Variants in KCNQ2 observed in about 807,000 individuals in gnomAD.
KCNQ2 encodes the protein potassium voltage-gated channel subfamily Q member 2.
KCNQ2 carries 14 observed loss-of-function variants against 84.8 expected under a neutral mutation model. The observed-to-expected ratio is 0.17, with a 90% confidence interval of 0.11 to 0.26. The LOEUF is 0.26. Among genes scored for constraint, KCNQ2 ranks in the 10% least tolerant of loss-of-function variants. KCNQ2 has a pLI of 1.00. For missense variants in KCNQ2, 788 were observed against 1,254.0 expected, an observed-to-expected ratio of 0.63 and a Z score of 5.61; for synonymous variants, 599 against 554.1, an observed-to-expected ratio of 1.08 and a Z score of -1.14.
chr20:63,407,223 G>A lies in KCNQ2; in HGVS notation c.2040C>T (p.Val680=), dbSNP rs368050380. Residue 680 remains valine, a synonymous_variant, in exon 17 of 17, where the codon GTC becomes GTT. Coordinates refer to ENST00000359125, the MANE Select transcript of KCNQ2 (RefSeq NM_172107.4). The surrounding 1 kb of genome is among the most constrained non-coding windows in gnomAD (Gnocchi z 7.2). ...TCTTGACAATGCAGCCGTGCCTGTCGACATGCTCCCGGCTGTCTTCCGGGC... is the reference window on the plus strand; with the variant it reads ...TCTTGACAATGCAGCCGTGCCTGTCAACATGCTCCCGGCTGTCTTCCGGGC... ...YHSPEDSREH[V]DRHGCIVKIV... is the part of the protein sequence containing the mutation. 60 of 1,604,156 alleles carry A rather than the reference G, an allele frequency of 3.7e-5. No homozygotes were observed. The highest frequency in any genetic ancestry group is 2.3e-4 in the African/African-American group (17 of 74,952).
At chr20:63,422,818 A>C (rs533759728) in intron 11 of KCNQ2, 2 of 152,320 alleles carry the variant, frequency 1.3e-5, no homozygotes, top group Admixed American at 6.5e-5. Flanking sequence ...GGCAGCGAGC[A>C]CGAGGGGCCG....
intron 9 of KCNQ2, among the ~76,000 whole-genome samples, chr20:63,430,342 G>A (rs1456298555): frequency 6.6e-6 from 1 of 152,112 alleles, no homozygotes; most frequent in Non-Finnish European, 1.5e-5. Flanking sequence ...GATGTCTTAT[G>A]GCTGAGCATG....
Position 63,406,844 on chromosome 20 carries a change from T to C in KCNQ2, c.2419A>G (p.Ile807Val), listed in dbSNP as rs1202025157. The C allele has an allele frequency of 6.2e-7, 1 of 1,612,404 alleles. No homozygotes were observed. Among genetic ancestry groups the C allele is most frequent in the East Asian group, 2.2e-5 (1 of 44,870 alleles). Residue 807 changes from isoleucine to valine, a missense_variant, in exon 17 of 17, where the codon ATC becomes GTC. Ile to Val is a conservative substitution (Grantham distance 29). Coordinates refer to ENST00000359125, the MANE Select transcript of KCNQ2 (RefSeq NM_172107.4). ...ELERSFSGFS[I>V]SQSKENLDAL... ...TCCAGGTTCTCCTTGGACTGGGAGA[T>C]GCTGAAGCCGCTGAAGGAACGCTCC... is the stretch of plus-strand genomic sequence containing the variant.
chr20:63,452,841 G>A (rs1392531047), intron 1 of KCNQ2, among the ~76,000 whole-genome samples: 2 of 152,138 alleles, frequency 1.3e-5, no homozygotes, highest in Non-Finnish European at 2.9e-5. Context: ...CGTGGGAACT[G>A]GGAGCCTCCA....
intron 7 of KCNQ2, chr20:63,434,801 C>T (rs1029735970): frequency 1.5e-4 from 23 of 152,256 alleles, no homozygotes; most frequent in African/African-American, 5.3e-4. Flanking sequence ...ATAGGAGGAT[C>T]GTATGGATAA....
rs957860045 is a variant in KCNQ2, at chr20:63,440,452, G to A, written c.817-744C>T. Among the ~76,000 whole-genome samples, 6 of 152,258 alleles carry A rather than the reference G, an allele frequency of 3.9e-5. No homozygotes were observed. In the South Asian group the frequency reaches 6.2e-4, roughly 16 times the overall value. On this transcript the variant is annotated intron_variant, in intron 5 of 16. Transcript: ENST00000359125. ...ACTCAGTGCTGGACATGTTGGGGCC[G>A]CAGCCCACCCCCGCCTGCCAGAACC...
At chr20:63,439,840 A>G in intron 5 of KCNQ2, 132 bp from the exon 6 acceptor site, 1 of 722,324 alleles carries the variant, frequency 1.4e-6, no homozygotes, top group Non-Finnish European at 2.5e-6. Flanking sequence ...ATCCACACGG[A>G]GGCCCAGTGA....
At chr20:63,467,935 T>G (rs2082120242) in intron 1 of KCNQ2, among the ~76,000 whole-genome samples, 1 of 152,330 alleles carries the variant, frequency 6.6e-6, no homozygotes, top group South Asian at 2.1e-4. Context: ...ACAGATTTTC[T>G]CTGCTCTCAC....
chr20:63,420,709 T>A (rs1164488379), intron 11 of KCNQ2, among the ~76,000 whole-genome samples: 1 of 151,952 alleles, frequency 6.6e-6, no homozygotes, highest in Non-Finnish European at 1.5e-5. Context: ...GCCGCCCGGG[T>A]AGGCTGAGGG....
At chr20:63,470,058 G>A (rs963737112) in intron 1 of KCNQ2, among the ~76,000 whole-genome samples, 1 of 152,246 alleles carries the variant, frequency 6.6e-6, no homozygotes. Context: ...CGACGTTACC[G>A]ACGGAAAACT....
At chr20:63,443,982 C>T (rs2081341032) in intron 4 of KCNQ2, among the ~76,000 whole-genome samples, 2 of 152,218 alleles carry the variant, frequency 1.3e-5, no homozygotes, top group African/African-American at 2.4e-5. Flanking sequence ...AAAGGGTGCC[C>T]ACTGCAGTCA....
rs1477376003 is a variant in KCNQ2, at chr20:63,414,192, T to C, written c.1527A>G (p.Glu509=). The C allele has an allele frequency of 6.2e-7, 1 of 1,612,468 alleles. No homozygotes were observed. Among genetic ancestry groups the C allele is most frequent in the Non-Finnish European group, 8.5e-7 (1 of 1,179,044 alleles). The change falls in exon 14 of 17, where the codon GAA becomes GAG. Residue 509 remains glutamate (E), a splice_region_variant and synonymous_variant. Coordinates refer to ENST00000359125, the MANE Select transcript of KCNQ2 (RefSeq NM_172107.4). This position sits in a 1 kb window ranked among gnomAD's most constrained non-coding sequence, Gnocchi z 6.6. The part of the protein sequence containing the change: ...KGAASRQNSE[E]ASLPGEDIVD... Reference sequence around the variant, plus strand: ...CAATGTCCTCTCCGGGGAGGCTTGCTTCTGGGGGGAAGGAGACAGGCCGTG... The same window carrying C: ...CAATGTCCTCTCCGGGGAGGCTTGCCTCTGGGGGGAAGGAGACAGGCCGTG...
At chr20:63,420,933 G>A (rs890758730) in intron 11 of KCNQ2, among the ~76,000 whole-genome samples, 5 of 152,110 alleles carry the variant, frequency 3.3e-5, no homozygotes, top group South Asian at 2.1e-4. Context: ...GGCTCCCTGC[G>A]CCTGGCTTGA....
intron 9 of KCNQ2, among the ~76,000 whole-genome samples, chr20:63,430,848 G>A (rs2080767516): frequency 6.6e-6 from 1 of 152,208 alleles, no homozygotes; most frequent in Non-Finnish European, 1.5e-5. Flanking sequence ...GAGCCACGGT[G>A]GGACAAGGAC....
chr20:63,436,391 C>T (rs1043580591), intron 7 of KCNQ2, among the ~76,000 whole-genome samples: 4 of 152,086 alleles, frequency 2.6e-5, no homozygotes, highest in Non-Finnish European at 5.9e-5. Flanking sequence ...ATTAGCCAGG[C>T]GTGGTGGTGG....
At chr20:63,451,963 C>G (rs527468331) in intron 1 of KCNQ2, among the ~76,000 whole-genome samples, 1 of 152,246 alleles carries the variant, frequency 6.6e-6, no homozygotes, top group African/African-American at 2.4e-5. Context: ...GGACCACGGC[C>G]GTGCTTCAGA....
chr20:63,443,665 C>A (rs1291869054), intron 4 of KCNQ2: 2 of 152,554 alleles, frequency 1.3e-5, no homozygotes, highest in Non-Finnish European at 2.9e-5. Flanking sequence ...AGTCAGCCCA[C>A]TTTGGGCTCT....
In KCNQ2 at chr20:63,438,719, C is replaced by T; in HGVS notation, c.929G>A (p.Gly310Asp). 6.2e-7 allele frequency: 1 copy of T among 1,613,230 alleles called. No individual in the cohort carries two copies. Among genetic ancestry groups the T allele is most frequent in the Non-Finnish European group, 8.5e-7 (1 of 1,179,808 alleles). ...IGVSFFALPA[G>D]ILGSGFALKV... The stretch of plus-strand genomic sequence containing the variant: ...CAGGGCAAACCCAGACCCCAAGATG[C>T]CCTGCAATTCATCAGGGTCAGGTCA... The change falls in exon 7 of 17, where the codon GGC becomes GAC. Residue 310 changes from glycine (G) to aspartate (D), a missense_variant and splice_region_variant. By Grantham distance (94) the Gly-to-Asp change is moderately conservative. Transcript: ENST00000359125. This position sits in a 1 kb window ranked among gnomAD's most constrained non-coding sequence, Gnocchi z 5.1.
intron 1 of KCNQ2, among the ~76,000 whole-genome samples, chr20:63,465,530 C>T (rs541954967): frequency 3.2e-4 from 48 of 152,342 alleles, no homozygotes; most frequent in African/African-American, 1.1e-3. Context: ...GGAACCAGAA[C>T]CCACTCCGAA....
Sources: gnomAD v4.1 joint callset for allele counts (sites outside exome capture counted in the v4.1 genomes callset) on GRCh38, gnomAD v4.1.1 for gene constraint, Gnocchi (gnomAD v3.1) non-coding constraint, MANE v1.5 for transcripts, NCBI Gene and HGNC (gene_info 2026-07-23, HGNC 2026-07-21) for gene names.